The following BICRA variants were observed in gnomAD, a reference collection of about 807,000 sequenced individuals.
BICRA encodes BRD4-interacting chromatin-remodeling complex-associated protein.
In BICRA, 31 loss-of-function variants were observed where a neutral mutation model predicts 96.9. The ratio of observed to expected loss-of-function variants is 0.32; its 90% CI spans 0.24 to 0.43. BICRA has a LOEUF of 0.43. Among genes scored for constraint, BICRA ranks in the 20% least tolerant of loss-of-function variants. The probability of loss-of-function intolerance (pLI) is 1.00; values close to 1 mark genes in which losing one functional copy is unlikely to be tolerated. For missense variants in BICRA, 2,283 were observed against 2,190.3 expected, an observed-to-expected ratio of 1.04 and a Z score of -0.84; for synonymous variants, 1,350 against 1,071.8, an observed-to-expected ratio of 1.26 and a Z score of -5.07.
rs140189375 is a variant in BICRA, at chr19:47,702,722, C to T, written c.*307C>T. ...ACTCTGCCCCTCTGTCCGGGGGACACGCGCATGTGTTTGCCAGGGATGGGG... is the reference window on the plus strand; with the variant it reads ...ACTCTGCCCCTCTGTCCGGGGGACATGCGCATGTGTTTGCCAGGGATGGGG... On this transcript the variant is annotated 3_prime_UTR_variant, in exon 15 of 15. Transcript: ENST00000594866. 7.3e-6 allele frequency: 3 copies of T among 410,434 alleles called. No homozygotes were observed. Among genetic ancestry groups the T allele is most frequent in the East Asian group, 5.0e-5 (1 of 20,110 alleles). 25.4% of individuals were successfully genotyped at this position (410,434 alleles called of 1,614,324 possible).
chr19:47,625,676 G>T (rs1311684137), intron 1 of BICRA, among the ~76,000 whole-genome samples: 7 of 152,164 alleles, frequency 4.6e-5, no homozygotes, highest in South Asian at 2.1e-4. Flanking sequence ...GTGAGGGAAG[G>T]TTCTGGAAGA....
In BICRA at chr19:47,694,581, A is replaced by G. The variant is rs561955787; in HGVS notation, c.2750A>G (p.His917Arg). ...QLQFPPSQGP[H>R]KSPTPPPTLH... ...CAGTTCCCACCCAGCCAGGGGCCCC[A>G]CAAGTCCCCCACTCCCCCTCCAACC... The change falls in exon 8 of 15, where the codon CAC becomes CGC. Residue 917 changes from histidine (H) to arginine (R), a missense_variant. Transcript: ENST00000594866. The G allele has an allele frequency of 3.2e-6, 5 of 1,553,414 alleles. No homozygotes were observed. The South Asian group carries it at 4.5e-5, about 14-fold the overall frequency.
chr19:47,628,131 G>A (rs1972168083), intron 1 of BICRA, among the ~76,000 whole-genome samples: 1 of 152,146 alleles, frequency 6.6e-6, no homozygotes, highest in African/African-American at 2.4e-5. Context: ...ACATGACAAG[G>A]ACTTTGTCAT....
In BICRA at chr19:47,701,732, C is replaced by A; in HGVS notation, c.4000C>A (p.Pro1334Thr). The change falls in exon 15 of 15, where the codon CCG (proline) becomes ACG (threonine). Residue 1334 changes from proline to threonine, a missense_variant. Physicochemically the swap from Pro to Thr is conservative, Grantham distance 38. Coordinates refer to ENST00000594866, the MANE Select transcript of BICRA (RefSeq NM_001394372.1). This position sits in a 1 kb window ranked among gnomAD's most constrained non-coding sequence, Gnocchi z 5.4. Reference sequence around the variant, plus strand: ...GGCCCTGGACCCCGTGCACCAGCCCCCGCCACCCCCCGCTACCCTCAAGGT... The same window carrying A: ...GGCCCTGGACCCCGTGCACCAGCCCACGCCACCCCCCGCTACCCTCAAGGT... Reference protein sequence around the residue: ...NTALDPVHQPPPPPATLKVAE... With the variant: ...NTALDPVHQPTPPPATLKVAE... 6.4e-7 allele frequency: 1 copy of A among 1,566,472 alleles called. No individual in the cohort carries two copies. The highest frequency in any genetic ancestry group is 8.7e-7 in the Non-Finnish European group (1 of 1,155,300).
intron 1 of BICRA, among the ~76,000 whole-genome samples, chr19:47,664,840 C>G (rs1056953159): frequency 1.3e-5 from 2 of 152,198 alleles, no homozygotes; most frequent in Admixed American, 1.3e-4. Context: ...CTTGAAGCTT[C>G]TGCTCTGAAC....
Position 47,694,247 on chromosome 19 carries a change from C to T in BICRA, c.2416C>T (p.Arg806Trp), listed in dbSNP as rs748802593. 1.3e-5 allele frequency: 13 copies of T among 974,452 alleles called. No individual in the cohort carries two copies. Among genetic ancestry groups the T allele is most frequent in the African/African-American group, 3.4e-5 (2 of 58,352 alleles). The allele number at this position is 974,452 out of a possible 1,614,324, so 60.4% of individuals were successfully genotyped here. The change falls in exon 8 of 15, where the codon CGG (arginine) becomes TGG (tryptophan). Residue 806 changes from arginine to tryptophan, a missense_variant. Physicochemically the swap from Arg to Trp is moderately radical, Grantham distance 101. Transcript: ENST00000594866. ...PTRPPSRPPS[R>W]PQSVSRPPSE... ...CCGGCCCCCTTCCCGCCCACCCTCC[C>T]GGCCACAGAGTGTGTCCCGCCCTCC...
chr19:47,632,449 A>G (rs1972234405), intron 1 of BICRA, among the ~76,000 whole-genome samples: 2 of 152,240 alleles, frequency 1.3e-5, no homozygotes, highest in South Asian at 4.1e-4. Flanking sequence ...CAGAGAGGCC[A>G]TAAAAAGGAG....
chr19:47,651,261 CGTT>C (rs896210722), intron 1 of BICRA, among the ~76,000 whole-genome samples: 1 of 152,136 alleles, frequency 6.6e-6, no homozygotes. Flanking sequence ...TCCTCGCCCT[CGTT>C]GTCTGTCTGA....
chr19:47,682,290 C>A (rs1048774125), intron 7 of BICRA, 138 bp downstream of exon 7: 2 of 556,776 alleles, frequency 3.6e-6, no homozygotes, highest in South Asian at 2.4e-5. Context: ...CTTCACCCCC[C>A]AAGTGTCTCC....
Position 47,679,329 on chromosome 19 carries a change from G to A in BICRA, c.159G>A (p.Val53=). ...CCTTTCCCGGCCTGCAGCTCCATGTGCAAGAAGCTTCCGGCAACCACCTGA... is the reference window on the plus strand; with the variant it reads ...CCTTTCCCGGCCTGCAGCTCCATGTACAAGAAGCTTCCGGCAACCACCTGA... ...SAFYEGPGLH[V]QEASGNHLNP... Residue 53 remains valine (V), a synonymous_variant, in exon 6 of 15, where the codon GTG becomes GTA. Coordinates refer to ENST00000594866, the MANE Select transcript of BICRA (RefSeq NM_001394372.1). 3 of 1,426,318 alleles carry A rather than the reference G, an allele frequency of 2.1e-6. No individual in the cohort carries two copies. The highest frequency in any genetic ancestry group is 2.8e-6 in the Non-Finnish European group (3 of 1,088,722). 88.4% of individuals were successfully genotyped at this position (1,426,318 alleles called of 1,614,324 possible). A position where few individuals can be genotyped will look rare whatever the true frequency, so the allele number is the denominator to read the frequency against.
At chr19:47,685,794 CGCGCGCAT>C (rs1287300463) in intron 7 of BICRA, among the ~76,000 whole-genome samples, 2 of 124,810 alleles carry the variant, frequency 1.6e-5, no homozygotes, top group African/African-American at 5.9e-5. Flanking sequence ...TGTGCGCGCG[CGCGCGCAT>C]GCGTACATTT....
Position 47,680,872 on chromosome 19 carries a change from A to C in BICRA, c.1702A>C (p.Thr568Pro), listed in dbSNP as rs983153499. The C allele has an allele frequency of 6.6e-7, 1 of 1,519,342 alleles. No homozygotes were observed. The highest frequency in any genetic ancestry group is 2.5e-5 in the East Asian group (1 of 40,266). 94.1% of individuals were successfully genotyped at this position (1,519,342 alleles called of 1,614,324 possible). A position where few individuals can be genotyped will look rare whatever the true frequency, so the allele number is the denominator to read the frequency against. Reference sequence around the variant, plus strand: ...GTCGCTGGCGGCGGGCAGCCTGCCCACGCAGAGCCAGCCAGCGCCCGCCGG... The same window carrying C: ...GTCGCTGGCGGCGGGCAGCCTGCCCCCGCAGAGCCAGCCAGCGCCCGCCGG... ...PVSLAAGSLP[T>P]QSQPAPAGPA... The change falls in exon 6 of 15, where the codon ACG becomes CCG. Residue 568 changes from threonine to proline, a missense_variant. Coordinates refer to ENST00000594866, the MANE Select transcript of BICRA (RefSeq NM_001394372.1).
chr19:47,665,726 G>T (rs1972768749), intron 1 of BICRA, among the ~76,000 whole-genome samples: 1 of 152,228 alleles, frequency 6.6e-6, no homozygotes, highest in Non-Finnish European at 1.5e-5. Flanking sequence ...AGCTGGCCTG[G>T]TGAGGGTGCA....
At chr19:47,617,330 C>T (rs1021026324) in intron 1 of BICRA, among the ~76,000 whole-genome samples, 3 of 151,548 alleles carry the variant, frequency 2.0e-5, no homozygotes, top group African/African-American at 4.8e-5. Flanking sequence ...CATCTAGACT[C>T]GGCTTGGCAG....
Position 47,695,000 on chromosome 19 carries a change from T to C in BICRA, c.2996T>C (p.Val999Ala). 6.5e-7 allele frequency: 1 copy of C among 1,540,492 alleles called. No individual in the cohort carries two copies. Among genetic ancestry groups the C allele is most frequent in the Non-Finnish European group, 8.7e-7 (1 of 1,153,254 alleles). Reference sequence around the variant, plus strand: ...CCCCTCACCAGCCCCGCTGCGTCTGTGCTGGTCAGTGGGCAGGCCCCATCT... The same window carrying C: ...CCCCTCACCAGCCCCGCTGCGTCTGCGCTGGTCAGTGGGCAGGCCCCATCT... ...LGPLTSPAAS[V>A]LVSGQAPSGT... Residue 999 changes from valine (V) to alanine (A), a missense_variant, in exon 9 of 15, where the codon GTG (valine) becomes GCG (alanine). Transcript: ENST00000594866.
intron 1 of BICRA, among the ~76,000 whole-genome samples, chr19:47,619,590 C>T (rs180777692): frequency 9.3e-5 from 14 of 150,040 alleles, no homozygotes; most frequent in Admixed American, 6.7e-4. Context: ...AAGTGTAATT[C>T]GTATACAGTA....
chr19:47,678,078 A>G (rs1238831416), intron 5 of BICRA, among the ~76,000 whole-genome samples: 1 of 152,196 alleles, frequency 6.6e-6, no homozygotes, highest in Admixed American at 6.5e-5. Flanking sequence ...GTGGGCCTAT[A>G]TCACTATTTA....
intron 1 of BICRA, among the ~76,000 whole-genome samples, chr19:47,646,956 T>TC (rs1972468873): frequency 1.3e-5 from 2 of 152,042 alleles, no homozygotes; most frequent in African/African-American, 4.8e-5. Context: ...CCACTCCTTC[T>TC]CCCCCTCCCA....
At chr19:47,626,737 T>TTC in intron 1 of BICRA, among the ~76,000 whole-genome samples, 1 of 109,770 alleles carries the variant, frequency 9.1e-6, no homozygotes, top group East Asian at 2.7e-4. Flanking sequence ...TTTTTTTTTT[T>TTC]CTGAGACAGA....
Sources: allele counts gnomAD v4.1 joint callset (sites outside exome capture counted in the v4.1 genomes callset), GRCh38; gene constraint gnomAD v4.1.1; non-coding constraint Gnocchi (gnomAD v3.1); transcripts MANE v1.5; gene names NCBI Gene and HGNC (gene_info 2026-07-23, HGNC 2026-07-21).